The following HEG1 variants were observed in gnomAD, a reference collection of about 807,000 sequenced individuals.
HEG1 encodes heart development protein with EGF like domains 1.
Under a neutral mutation model 125.6 loss-of-function variants are expected in HEG1, and 56 were observed. That is an observed-to-expected ratio of 0.45 (90% CI 0.36 to 0.56). HEG1 has a LOEUF of 0.56. HEG1 is among the 20% of genes least tolerant of loss of function. HEG1 has a pLI of 0.00. For missense variants in HEG1, 1,523 were observed against 1,670.0 expected (o/e 0.91, Z 1.53); for synonymous variants, 644 against 668.5 (o/e 0.96, Z 0.57).
chr3:124,968,114 C>G lies in HEG1; in HGVS notation c.*2538G>C, dbSNP rs796444146. The G allele has an allele frequency of 1.3e-5, 2 of 152,386 alleles. No homozygotes were observed. Among genetic ancestry groups the G allele is most frequent in the Non-Finnish European group, 2.9e-5 (2 of 68,214 alleles). The allele number at this position is 152,386 out of a possible 1,614,324, so 9.4% of individuals were successfully genotyped here. A position where few individuals can be genotyped will look rare whatever the true frequency, so the allele number is the denominator to read the frequency against. On this transcript the variant is annotated 3_prime_UTR_variant, in exon 17 of 17. Coordinates refer to ENST00000311127, the MANE Select transcript of HEG1 (RefSeq NM_020733.2). Reference sequence around the variant, plus strand: ...GCATCTGTGCACGTGAATCACACACCCCAGGTGCAGGGGCTGACATGGAGC... The same window carrying G: ...GCATCTGTGCACGTGAATCACACACGCCAGGTGCAGGGGCTGACATGGAGC...
At position 125,012,685 on chromosome 3, in the gene HEG1, G is replaced by C. The variant is rs553219844; in HGVS notation, c.2894C>G (p.Ser965Cys). ...GCTGCTCTGAACAGCAAAGGTGGCAGATTTGGGAGCCAAGTCTTCAGCCGT... is the reference window on the plus strand; with the variant it reads ...GCTGCTCTGAACAGCAAAGGTGGCACATTTGGGAGCCAAGTCTTCAGCCGT... ...VSTAEDLAPKSATFAVQSSTQ... is the reference protein window; with the variant it reads ...VSTAEDLAPKCATFAVQSSTQ... Residue 965 changes from serine to cysteine, a missense_variant, in exon 6 of 17, where the codon TCT becomes TGT. Coordinates refer to ENST00000311127, the MANE Select transcript of HEG1 (RefSeq NM_020733.2). The C allele has an allele frequency of 5.6e-6, 9 of 1,613,930 alleles. No individual in the cohort carries two copies. Among genetic ancestry groups the C allele is most frequent in the Non-Finnish European group, 7.6e-6 (9 of 1,179,862 alleles).
chr3:125,054,213 T>C (rs1579444301), intron 1 of HEG1, among the ~76,000 whole-genome samples: 1 of 152,256 alleles, frequency 6.6e-6, no homozygotes, highest in Admixed American at 6.5e-5. Context: ...AAACAGCGTA[T>C]GCTGTAAGTA....
At chr3:124,980,672 A>G (rs1356463018) in intron 14 of HEG1, among the ~76,000 whole-genome samples, 1 of 152,012 alleles carries the variant, frequency 6.6e-6, no homozygotes, top group Non-Finnish European at 1.5e-5. Context: ...ACGCGCCACC[A>G]TGCCCAGCTA....
intron 1 of HEG1, among the ~76,000 whole-genome samples, chr3:125,053,433 C>T (rs1360220930): frequency 6.6e-6 from 1 of 152,194 alleles, no homozygotes; most frequent in Non-Finnish European, 1.5e-5. Flanking sequence ...ATGCCTAGAT[C>T]CTTGGCCATA....
chr3:125,051,762 A>C (rs935401491), intron 1 of HEG1, among the ~76,000 whole-genome samples: 2 of 152,236 alleles, frequency 1.3e-5, no homozygotes, highest in Non-Finnish European at 2.9e-5. Context: ...CCACTGAAGA[A>C]GGCAGTAAGT....
At chr3:124,975,481 G>C (rs1339434444) in intron 15 of HEG1, among the ~76,000 whole-genome samples, 2 of 152,156 alleles carry the variant, frequency 1.3e-5, no homozygotes, top group African/African-American at 4.8e-5. Flanking sequence ...CTTCTCTACT[G>C]CAAAAATATT....
At chr3:125,053,883 A>C (rs1325315711) in intron 1 of HEG1, among the ~76,000 whole-genome samples, 1 of 152,114 alleles carries the variant, frequency 6.6e-6, no homozygotes, top group Non-Finnish European at 1.5e-5. Context: ...ACCTCTCTCT[A>C]GAGATCCCGC....
chr3:124,997,884 A>G lies in HEG1; in HGVS notation c.3518-61T>C, dbSNP rs1579407550. The G allele has an allele frequency of 1.2e-5, 18 of 1,475,358 alleles. No individual in the cohort carries two copies. The South Asian group carries it at 2.0e-4, about 16-fold the overall frequency. The allele number at this position is 1,475,358 out of a possible 1,614,324, so 91.4% of individuals were successfully genotyped here. A position where few individuals can be genotyped will look rare whatever the true frequency, so the allele number is the denominator to read the frequency against. ...AACCTTCTCCACTTCAAACCTTAAA[A>G]TCTCCTCCACTTCAAAGCTCATGTG... On this transcript the variant is annotated intron_variant, in intron 11 of 16. Coordinates refer to ENST00000311127, the MANE Select transcript of HEG1 (RefSeq NM_020733.2).
At chr3:125,052,131 C>T (rs540574940) in intron 1 of HEG1, among the ~76,000 whole-genome samples, 1 of 151,624 alleles carries the variant, frequency 6.6e-6, no homozygotes, top group East Asian at 1.9e-4. Context: ...CCCTTGCCCC[C>T]TCCCGCCTCC....
chr3:124,989,325 T>C (rs550896889), intron 14 of HEG1, among the ~76,000 whole-genome samples: 1 of 152,186 alleles, frequency 6.6e-6, no homozygotes, highest in Non-Finnish European at 1.5e-5. Context: ...GGTATACCAC[T>C]GGGGAATAGA....
chr3:125,039,177 G>GT lies in HEG1; in HGVS notation c.317-9690dup, dbSNP rs369365364. Among the ~76,000 whole-genome samples the GT allele has an allele frequency of 2.2e-3, 335 of 149,130 alleles. 2 individuals carry two copies. Among genetic ancestry groups the GT allele is most frequent in the East Asian group, 8.8e-3 (45 of 5,098 alleles). ...GAGCGTTTTATTGCTTGCTTTGCCTGTTTTTTTTTTCCTCCTAATTGACAA... is the reference window on the plus strand; with the variant it reads ...GAGCGTTTTATTGCTTGCTTTGCCTGTTTTTTTTTTTCCTCCTAATTGACAA... On this transcript the variant is annotated intron_variant, in intron 1 of 16. Coordinates refer to ENST00000311127, the MANE Select transcript of HEG1 (RefSeq NM_020733.2).
At chr3:124,995,802 G>A (rs966772703) in intron 12 of HEG1, among the ~76,000 whole-genome samples, 1 of 152,210 alleles carries the variant, frequency 6.6e-6, no homozygotes, top group African/African-American at 2.4e-5. Context: ...AAGGTTGCTG[G>A]TGCCTGTGTC....
rs1405006858 is a variant in HEG1 at position 125,029,211 on chromosome 3, G to C, written c.594C>G (p.Ser198=). ...CAAGCTCACCTAAGTTGCCACTCTG[G>C]GAAGTCAGAGCTGTTGCTATCTCCA... The part of the protein sequence containing the change: ...YSLEIATALT[S]QSGNLASESL... Residue 198 remains serine (S), a synonymous_variant, in exon 2 of 17, where the codon TCC becomes TCG. Coordinates refer to ENST00000311127, the MANE Select transcript of HEG1 (RefSeq NM_020733.2). 1.9e-6 allele frequency: 3 copies of C among 1,612,180 alleles called. No homozygotes were observed. The highest frequency in any genetic ancestry group is 2.5e-6 in the Non-Finnish European group (3 of 1,179,234).
chr3:124,979,019 C>T (rs191985386), intron 14 of HEG1, among the ~76,000 whole-genome samples: 20 of 151,614 alleles, frequency 1.3e-4, no homozygotes, highest in East Asian at 3.9e-4. Context: ...GGTGCGATCC[C>T]GGCTCACTGA....
Position 125,029,361 on chromosome 3 carries a change from C to G in HEG1, c.444G>C (p.Gly148=), listed in dbSNP as rs955814159. 2 of 1,613,838 alleles carry G rather than the reference C, an allele frequency of 1.2e-6. No individual in the cohort carries two copies. The highest frequency in any genetic ancestry group is 2.7e-5 in the African/African-American group (2 of 75,042). Residue 148 remains glycine, a synonymous_variant, in exon 2 of 17, where the codon GGG becomes GGC. Transcript: ENST00000311127. ...SKEGVMVQTS[G]KSHAASDAPE... is the part of the protein sequence containing the mutation. ...GAGCATCCGAAGCAGCATGGCTCTT[C>G]CCAGAGGTCTGAACCATCACGCCCT...
chr3:125,014,353 A>G (rs1444415935), intron 5 of HEG1, among the ~76,000 whole-genome samples: 1 of 152,230 alleles, frequency 6.6e-6, no homozygotes, highest in Admixed American at 6.5e-5. Context: ...TAAGACCCCA[A>G]ATAGAATAAC....
chr3:125,005,826 G>A (rs1391884590), intron 8 of HEG1, among the ~76,000 whole-genome samples: 2 of 152,142 alleles, frequency 1.3e-5, no homozygotes, highest in African/African-American at 2.4e-5. Context: ...GAAAGCTCTC[G>A]TCCTCTGAGG....
rs770635463 is a variant in HEG1, at chr3:124,969,936, C to G, written c.*716G>C. On this transcript the variant is annotated 3_prime_UTR_variant, in exon 17 of 17. Coordinates refer to ENST00000311127, the MANE Select transcript of HEG1 (RefSeq NM_020733.2). ...TGTTTGAAAAAGTGAGATTTAACTG[C>G]AAAGAGATTTAAAAAAAAAATCTTA... 2 of 152,088 alleles carry G rather than the reference C, an allele frequency of 1.3e-5. No individual in the cohort carries two copies. The highest frequency in any genetic ancestry group is 2.9e-5 in the Non-Finnish European group (2 of 68,030). The allele number at this position is 152,088 out of a possible 1,614,324, so 9.4% of individuals were successfully genotyped here. A position where few individuals can be genotyped will look rare whatever the true frequency, so the allele number is the denominator to read the frequency against.
In HEG1 at chr3:125,055,787, G is replaced by A; in HGVS notation, c.104C>T (p.Pro35Leu). ...PAAPGTRDPP[P>L]SPARRALSLA... The stretch of plus-strand genomic sequence containing the variant: ...GCTCAGCGCGCGGCGAGCCGGGGAA[G>A]GCGGCGGGTCCCGCGTCCCGGGGGC... The change falls in exon 1 of 17, where the codon CCT (proline) becomes CTT (leucine). Residue 35 changes from proline to leucine, a missense_variant. Physicochemically the swap from Pro to Leu is moderately conservative, Grantham distance 98. Coordinates refer to ENST00000311127, the MANE Select transcript of HEG1 (RefSeq NM_020733.2). 1 of 989,816 alleles carries A rather than the reference G, an allele frequency of 1.0e-6. No homozygotes were observed. The highest frequency in any genetic ancestry group is 1.2e-6 in the Non-Finnish European group (1 of 833,236). The allele number at this position is 989,816 out of a possible 1,614,324, so 61.3% of individuals were successfully genotyped here. A position where few individuals can be genotyped will look rare whatever the true frequency, so the allele number is the denominator to read the frequency against.
Sources: gnomAD v4.1 joint callset for allele counts (sites outside exome capture counted in the v4.1 genomes callset) on GRCh38, gnomAD v4.1.1 for gene constraint, MANE v1.5 for transcripts, NCBI Gene and HGNC (gene_info 2026-07-23, HGNC 2026-07-21) for gene names.